Variants in CTNND2 observed in about 807,000 individuals in gnomAD.
The protein encoded by CTNND2 is catenin delta-2.
A neutral mutation model predicts 144.4 loss-of-function variants in CTNND2; 22 were observed. The ratio of observed to expected loss-of-function variants is 0.15; its 90% CI spans 0.11 to 0.22. CTNND2 has a LOEUF of 0.22. Among genes scored for constraint, CTNND2 ranks in the 10% least tolerant of loss-of-function variants. The pLI, the probability that CTNND2 is intolerant of heterozygous loss-of-function variation, is 1.00. For missense variants in CTNND2, 1,353 were observed against 1,618.8 expected (o/e 0.84, Z 2.82); for synonymous variants, 751 against 695.6 (o/e 1.08, Z -1.25).
At position 11,671,588 on chromosome 5, in the gene CTNND2, T is replaced by C. The variant is rs185639268; in HGVS notation, c.174+60548A>G. Among the ~76,000 whole-genome samples, 1,393 of 152,030 alleles carry C rather than the reference T, an allele frequency of 9.2e-3. 25 individuals carry two copies. Among genetic ancestry groups the C allele is most frequent in the African/African-American group, 0.031 (1,305 of 41,498 alleles). On this transcript the variant is annotated intron_variant, in intron 2 of 21. Coordinates refer to ENST00000304623, the MANE Select transcript of CTNND2 (RefSeq NM_001332.4). ...TGATTTGGCTACTGATATTTGTATA[T>C]GCTTCATGAAGTTCTCATGCTGTTT...
intron 1 of CTNND2, among the ~76,000 whole-genome samples, chr5:11,768,822 C>T (rs947361103): frequency 6.6e-6 from 1 of 152,158 alleles, no homozygotes; most frequent in Non-Finnish European, 1.5e-5. Context: ...CCAGTGTCTT[C>T]AGGATCCCAG....
intron 3 of CTNND2, among the ~76,000 whole-genome samples, chr5:11,560,600 GCC>G (rs1776606112): frequency 6.6e-6 from 1 of 152,156 alleles, no homozygotes. Context: ...TGGAGTGATA[GCC>G]CCAACCCTTC....
intron 1 of CTNND2, among the ~76,000 whole-genome samples, chr5:11,766,013 G>A (rs1789566845): frequency 6.6e-6 from 1 of 152,196 alleles, no homozygotes; most frequent in African/African-American, 2.4e-5. Flanking sequence ...GCACTGTAAT[G>A]TTCAATTTTG....
Position 10,988,463 on chromosome 5 carries a change from G to A in CTNND2, c.3212-221C>T, listed in dbSNP as rs1433624601. On this transcript the variant is annotated intron_variant, in intron 19 of 21. Transcript: ENST00000304623. This position sits in a 1 kb window ranked among gnomAD's most constrained non-coding sequence, Gnocchi z 5.9. ...CTGATGCTTTATAGTTAGAGGGCAT[G>A]TGATTTGGAGGCTGGCAACTGGGGA... Among the ~76,000 whole-genome samples the A allele has an allele frequency of 6.6e-6, 1 of 152,166 alleles. No individual in the cohort carries two copies. Among genetic ancestry groups the A allele is most frequent in the Non-Finnish European group, 1.5e-5 (1 of 68,032 alleles).
intron 2 of CTNND2, among the ~76,000 whole-genome samples, chr5:11,635,369 A>G (rs923099928): frequency 1.3e-5 from 2 of 152,192 alleles, no homozygotes; most frequent in Admixed American, 6.5e-5. Flanking sequence ...GAAGCAAAAA[A>G]GAGTGGAAGC....
chr5:10,999,440 AC>A lies in CTNND2; in HGVS notation c.3085-6764del, dbSNP rs1265449821. On this transcript the variant is annotated intron_variant, in intron 18 of 21. Coordinates refer to ENST00000304623, the MANE Select transcript of CTNND2 (RefSeq NM_001332.4). ...TTTTACCTTAGCTCTTCTTTGCACCACCTGTACAGCTCATAGGGGTTAGATA... is the reference window on the plus strand; with the variant it reads ...TTTTACCTTAGCTCTTCTTTGCACCACTGTACAGCTCATAGGGGTTAGATA... Among the ~76,000 whole-genome samples the A allele has an allele frequency of 2.0e-5, 3 of 152,160 alleles. No homozygotes were observed. In the East Asian group the frequency reaches 5.8e-4, roughly 29 times the overall value.
intron 8 of CTNND2, among the ~76,000 whole-genome samples, chr5:11,347,849 C>T (rs1313786349): frequency 6.6e-6 from 1 of 152,146 alleles, no homozygotes; most frequent in Non-Finnish European, 1.5e-5. Flanking sequence ...ACACAAAGGA[C>T]ATTATGTCAT....
intron 11 of CTNND2, among the ~76,000 whole-genome samples, chr5:11,198,685 G>T (rs1457324524): frequency 6.6e-6 from 1 of 152,190 alleles, no homozygotes; most frequent in Non-Finnish European, 1.5e-5. Flanking sequence ...ACCTAGAATG[G>T]CAGTGAGCCT....
At chr5:11,584,589 T>C (rs1778689872) in intron 2 of CTNND2, among the ~76,000 whole-genome samples, 1 of 152,102 alleles carries the variant, frequency 6.6e-6, no homozygotes. Context: ...TCCTAGAGAT[T>C]ACAGAGTTTA....
chr5:11,661,418 T>C (rs1420588534), intron 2 of CTNND2, among the ~76,000 whole-genome samples: 1 of 152,200 alleles, frequency 6.6e-6, no homozygotes, highest in Non-Finnish European at 1.5e-5. Context: ...ATTTCAGTTC[T>C]GTTACTTTTT....
intron 1 of CTNND2, among the ~76,000 whole-genome samples, chr5:11,760,779 G>T (rs1339593343): frequency 1.7e-5 from 2 of 118,492 alleles, no homozygotes; most frequent in African/African-American, 3.1e-5. Flanking sequence ...AAAATAAAAC[G>T]AATACAGCAT....
At chr5:11,455,379 C>T (rs1028717188) in intron 3 of CTNND2, among the ~76,000 whole-genome samples, 8 of 152,244 alleles carry the variant, frequency 5.3e-5, no homozygotes, top group South Asian at 2.1e-4. Flanking sequence ...TTCTAATTCA[C>T]GTAATCGCAT....
chr5:11,506,910 A>G lies in CTNND2; in HGVS notation c.287+58034T>C, dbSNP rs1172574439. Reference sequence around the variant, plus strand: ...TCACTAATAAAATCAACCCAGCTTTAGCGATGCGACTGGTAATCAATTTCT... The same window carrying G: ...TCACTAATAAAATCAACCCAGCTTTGGCGATGCGACTGGTAATCAATTTCT... On this transcript the variant is annotated intron_variant, in intron 3 of 21. Transcript: ENST00000304623. Among the ~76,000 whole-genome samples, 3 of 152,364 alleles carry G rather than the reference A, an allele frequency of 2.0e-5. No homozygotes were observed. The East Asian group carries it at 5.8e-4, about 29-fold the overall frequency.
At chr5:11,238,118 A>G (rs1012276806) in intron 9 of CTNND2, among the ~76,000 whole-genome samples, 2 of 152,228 alleles carry the variant, frequency 1.3e-5, no homozygotes, top group South Asian at 2.1e-4. Flanking sequence ...ACTGTCATAC[A>G]AAGAAATATT....
At chr5:11,079,827 A>G (rs1478082868) in intron 16 of CTNND2, among the ~76,000 whole-genome samples, 3 of 152,224 alleles carry the variant, frequency 2.0e-5, no homozygotes, top group Non-Finnish European at 4.4e-5. Context: ...AAAATCAACT[A>G]AAAATGGACT....
At position 11,272,980 on chromosome 5, in the gene CTNND2, T is replaced by C. The variant is rs564896870; in HGVS notation, c.1629-36157A>G. Among the ~76,000 whole-genome samples the C allele has an allele frequency of 1.4e-4, 22 of 152,292 alleles. No homozygotes were observed. In the South Asian group the frequency reaches 4.6e-3, roughly 32 times the overall value. ...CTGTCTGATGACAGGGAACACTAAC[T>C]TTGAAGACCAGCTAGGCATTCTCAC... On this transcript the variant is annotated intron_variant, in intron 9 of 21. Coordinates refer to ENST00000304623, the MANE Select transcript of CTNND2 (RefSeq NM_001332.4).
At chr5:11,774,995 T>C (rs1489337215) in intron 1 of CTNND2, among the ~76,000 whole-genome samples, 1 of 152,150 alleles carries the variant, frequency 6.6e-6, no homozygotes. Context: ...TCTCTCAAAA[T>C]GCACATCGTG....
rs369393769 is a variant in CTNND2, at chr5:11,038,463, C to T, written c.2789-15484G>A. On this transcript the variant is annotated intron_variant, in intron 16 of 21. Transcript: ENST00000304623. The stretch of plus-strand genomic sequence containing the variant: ...ACTTTCATCCTGAAACCATCTTCCC[C>T]ACCGACCTCAGTCCATGGAAAAATG... 4.9e-4 allele frequency among the ~76,000 whole-genome samples: 75 copies of T among 152,300 alleles called. 2 individuals are homozygous for T. The South Asian group carries it at 0.015, about 31-fold the overall frequency.
chr5:11,352,525 A>G (rs1268499676), intron 8 of CTNND2, among the ~76,000 whole-genome samples: 1 of 152,226 alleles, frequency 6.6e-6, no homozygotes, highest in East Asian at 1.9e-4. Flanking sequence ...ACAAACCTGC[A>G]TGTCCTGAAC....
Sources: allele counts gnomAD v4.1 joint callset (sites outside exome capture counted in the v4.1 genomes callset), GRCh38; gene constraint gnomAD v4.1.1; non-coding constraint Gnocchi (gnomAD v3.1); transcripts MANE v1.5; gene names NCBI Gene and HGNC (gene_info 2026-07-23, HGNC 2026-07-21).